SLC22A12: variants seen among roughly 807,000 people sequenced by gnomAD.
The protein encoded by SLC22A12 is solute carrier family 22 member 12.
Under a neutral mutation model 52.7 loss-of-function variants are expected in SLC22A12, and 56 were observed. That is an observed-to-expected ratio of 1.06 (90% CI 0.86 to 1.33). The LOEUF (loss-of-function observed/expected upper bound fraction) is 1.33. Among genes scored for constraint, SLC22A12 ranks in the 40% most tolerant of loss-of-function variants. SLC22A12 has a pLI of 0.00. For synonymous variants in SLC22A12, 337 were observed against 324.6 expected (o/e 1.04, Z -0.41); for missense variants, 683 against 741.5 (o/e 0.92, Z 0.92).
chr11:64,595,994 A>AATGGATGGATGG (rs1185012477), intron 4 of SLC22A12, among the ~76,000 whole-genome samples: 1 of 34,060 alleles, frequency 2.9e-5, no homozygotes, highest in African/African-American at 5.9e-5. Context: ...GAATAGATGG[A>AATGGATGGATGG]ATGGATGGAT....
At chr11:64,594,682 C>CGGACGGATGGAT (rs2039035471) in intron 4 of SLC22A12, among the ~76,000 whole-genome samples, 1 of 134,928 alleles carries the variant, frequency 7.4e-6, no homozygotes, top group Non-Finnish European at 1.6e-5. Context: ...GATGGATGGA[C>CGGACGGATGGAT]GGATGGATGG....
chr11:64,600,327 G>A (rs766671825), intron 7 of SLC22A12, 40 bp from the exon 8 acceptor site: 3 of 1,486,850 alleles, frequency 2.0e-6, no homozygotes, highest in East Asian at 2.3e-5. Context: ...TCTGATCTTG[G>A]GCCCCCCACC....
At position 64,592,781 on chromosome 11, in the gene SLC22A12, G is replaced by C. The variant is rs769164212; in HGVS notation, c.405G>C (p.Trp135Cys). The C allele has an allele frequency of 6.2e-7, 1 of 1,613,234 alleles. No homozygotes were observed. Among genetic ancestry groups the C allele is most frequent in the East Asian group, 2.2e-5 (1 of 44,868 alleles). ...SIFTSTIVAK[W>C]NLVCDSHALK... Reference sequence around the variant, plus strand: ...TCAGCCTCCTCCTCTCCCATCAGTGGAACCTCGTGTGTGACTCTCATGCTC... The same window carrying C: ...TCAGCCTCCTCCTCTCCCATCAGTGCAACCTCGTGTGTGACTCTCATGCTC... Residue 135 changes from tryptophan (W) to cysteine (C), a missense_variant and splice_region_variant, in exon 2 of 10, where the codon TGG becomes TGC. Physicochemically the swap from Trp to Cys is radical, Grantham distance 215 (BLOSUM62 -2). Coordinates refer to ENST00000377574, the MANE Select transcript of SLC22A12 (RefSeq NM_144585.4).
At position 64,600,415 on chromosome 11, in the gene SLC22A12, T is replaced by G. The variant is rs1226063966; in HGVS notation, c.1334T>G (p.Val445Gly). 6.2e-7 allele frequency: 1 copy of G among 1,607,158 alleles called. No individual in the cohort carries two copies. ...TTGGCCGTGCTGGGGCTGGGCGGGG[T>G]GGGGGCTGCCTTCACCTGCATCACC... ...SALAVLGLGG[V>G]GAAFTCITIY... Residue 445 changes from valine to glycine, a missense_variant, in exon 8 of 10, where the codon GTG becomes GGG. Coordinates refer to ENST00000377574, the MANE Select transcript of SLC22A12 (RefSeq NM_144585.4).
chr11:64,597,782 G>A (rs1334128187), intron 4 of SLC22A12, among the ~76,000 whole-genome samples: 2 of 152,200 alleles, frequency 1.3e-5, no homozygotes, highest in East Asian at 3.9e-4. Context: ...GGCGGGGCGG[G>A]ACGGTGTGGC....
intron 6 of SLC22A12, 92 bp from the exon 7 acceptor site, chr11:64,599,584 A>ACCGC: frequency 2.5e-6 from 1 of 397,204 alleles, no homozygotes; most frequent in Non-Finnish European, 4.4e-6. Context: ...GCACACCCCC[A>ACCGC]CCCTGAGCCC....
chr11:64,591,816 A>C lies in SLC22A12; in HGVS notation c.260A>C (p.Gln87Pro). The part of the protein sequence containing the change: ...IPPGPNQRPH[Q>P]CRRFRQPQWQ... ...CCGGGCCCCAACCAGAGGCCCCACC[A>C]GTGCCGCCGCTTCCGCCAGCCACAG... Residue 87 changes from glutamine to proline, a missense_variant, in exon 1 of 10, where the codon CAG becomes CCG. Transcript: ENST00000377574. 1 of 1,612,066 alleles carries C rather than the reference A, an allele frequency of 6.2e-7. No homozygotes were observed. Among genetic ancestry groups the C allele is most frequent in the Non-Finnish European group, 8.5e-7 (1 of 1,179,968 alleles).
Position 64,599,770 on chromosome 11 carries a change from G to C in SLC22A12, c.1165G>C (p.Asp389His), listed in dbSNP as rs1485108836. ...FLLQMFIGVV[D>H]IPAKMGALLL... is the part of the protein sequence containing the mutation. ...GCTCCAAATGTTCATTGGTGTCGTG[G>C]ACATCCCAGCCAAGATGGGCGCCCT... The change falls in exon 7 of 10, where the codon GAC becomes CAC. Residue 389 changes from aspartate (D) to histidine (H), a missense_variant. Transcript: ENST00000377574. 1 of 1,612,850 alleles carries C rather than the reference G, an allele frequency of 6.2e-7. No individual in the cohort carries two copies. Among genetic ancestry groups the C allele is most frequent in the Non-Finnish European group, 8.5e-7 (1 of 1,179,868 alleles).
At chr11:64,597,959 C>T (rs1300254811) in intron 4 of SLC22A12, among the ~76,000 whole-genome samples, 1 of 152,062 alleles carries the variant, frequency 6.6e-6, no homozygotes, top group East Asian at 1.9e-4. Flanking sequence ...GGCCAGAGGG[C>T]GCTGGTGCTG....
chr11:64,597,182 C>T (rs1367400952), intron 4 of SLC22A12, among the ~76,000 whole-genome samples: 1 of 152,164 alleles, frequency 6.6e-6, no homozygotes, highest in Non-Finnish European at 1.5e-5. Context: ...CTTCTCCGCC[C>T]AAACTGCCCT....
chr11:64,594,682 CGG>C (rs2039035365), intron 4 of SLC22A12, among the ~76,000 whole-genome samples: 2 of 134,928 alleles, frequency 1.5e-5, no homozygotes, highest in Non-Finnish European at 3.2e-5. Flanking sequence ...GATGGATGGA[CGG>C]ATGGATGGAT....
chr11:64,593,411 G>A lies in SLC22A12; in HGVS notation c.513G>A (p.Gly171=). ...TTCCTGGTTTGTGCCGCAGGTTTGG[G>A]CGCAGGCTGGTGCTAACCTGGAGCT... ...AACGPASDRF[G]RRLVLTWSYL... The change falls in exon 3 of 10, where the codon GGG becomes GGA. Residue 171 remains glycine (G), a synonymous_variant. Coordinates refer to ENST00000377574, the MANE Select transcript of SLC22A12 (RefSeq NM_144585.4). 6.2e-7 allele frequency: 1 copy of A among 1,614,140 alleles called. No homozygotes were observed. Among genetic ancestry groups the A allele is most frequent in the Non-Finnish European group, 8.5e-7 (1 of 1,180,050 alleles).
chr11:64,599,591 G>GCCCCCCCCCCCCCTTGTTTCCCCCC, intron 6 of SLC22A12, 85 bp from the exon 7 acceptor site: 1 of 617,180 alleles, frequency 1.6e-6, no homozygotes, highest in South Asian at 2.6e-5. Flanking sequence ...CCCACCCTGA[G>GCCCCCCCCCCCCCTTGTTTCCCCCC]CCCCCACCGC....
chr11:64,596,319 A>AATGGATGGATGGATGGATGGGTGG, intron 4 of SLC22A12, among the ~76,000 whole-genome samples: 1 of 53,770 alleles, frequency 1.9e-5, no homozygotes, highest in Non-Finnish European at 3.9e-5. Flanking sequence ...TGGATGGTTG[A>AATGGATGGATGGATGGATGGGTGG]ATGGATGGAT....
At chr11:64,592,245 C>T (rs2135441103) in intron 1 of SLC22A12, among the ~76,000 whole-genome samples, 1 of 152,340 alleles carries the variant, frequency 6.6e-6, no homozygotes, top group South Asian at 2.1e-4. Flanking sequence ...CCTGGCCCTG[C>T]TGACCTGTCA....
Position 64,591,532 on chromosome 11 carries a change from C to G in SLC22A12, c.-25C>G. On this transcript the variant is annotated 5_prime_UTR_variant, in exon 1 of 10. Transcript: ENST00000377574. ...GCCAGCCTTTGTGAAGTGGGCCCCT[C>G]TTCTGGGCCCCTTGAGTAGGTTCCA... The G allele has an allele frequency of 6.2e-7, 1 of 1,608,658 alleles. No homozygotes were observed. Among genetic ancestry groups the G allele is most frequent in the Non-Finnish European group, 8.5e-7 (1 of 1,179,988 alleles).
chr11:64,593,602 G>T (rs369063828), intron 3 of SLC22A12, 33 bp from the exon 4 acceptor site: 1 of 1,614,124 alleles, frequency 6.2e-7, no homozygotes. Flanking sequence ...CTCCATGCAG[G>T]CTCCAGGGCT....
intron 2 of SLC22A12, 77 bp from the exon 3 acceptor site, chr11:64,593,328 G>A: frequency 6.2e-7 from 1 of 1,607,170 alleles, no homozygotes; most frequent in Non-Finnish European, 8.5e-7. Flanking sequence ...CATAGGGTGG[G>A]CTCTAGGTGT....
chr11:64,595,524 TGGATGGATGGTTGGAATGGATGG>T (rs2039139432), intron 4 of SLC22A12, among the ~76,000 whole-genome samples: 1 of 20,354 alleles, frequency 4.9e-5, no homozygotes, highest in Non-Finnish European at 5.6e-4. Context: ...AATGAATGGA[TGGATGGATGGTTGGAATGGATGG>T]ATGGATGGAT....
Sources: allele counts gnomAD v4.1 joint callset (sites outside exome capture counted in the v4.1 genomes callset), GRCh38; gene constraint gnomAD v4.1.1; transcripts MANE v1.5; gene names NCBI Gene and HGNC (gene_info 2026-07-23, HGNC 2026-07-21).